The following KCNU1 variants were observed in gnomAD, a reference collection of about 807,000 sequenced individuals.
KCNU1 encodes potassium channel subfamily U member 1.
In KCNU1, 93 loss-of-function variants were observed where a neutral mutation model predicts 126.8. That is an observed-to-expected ratio of 0.73 (90% CI 0.62 to 0.87). The LOEUF (loss-of-function observed/expected upper bound fraction) is 0.87, where lower values mean the gene tolerates loss of function less well. Ranked by LOEUF, KCNU1 falls within the 40% of genes least tolerant of loss-of-function variation. KCNU1 has a pLI of 0.00. For synonymous variants in KCNU1, 523 were observed against 494.2 expected (o/e 1.06, Z -0.77); for missense variants, 1,330 against 1,367.1 (o/e 0.97, Z 0.43).
chr8:36,857,058 T>C (rs1212281375), intron 18 of KCNU1, among the ~76,000 whole-genome samples: 1 of 152,218 alleles, frequency 6.6e-6, no homozygotes, highest in Non-Finnish European at 1.5e-5. Context: ...GAGCCATTGC[T>C]CCCGAGCTTG....
rs1443975471 is a variant in KCNU1, at chr8:36,922,658, A to G, written c.2736+29A>G. ...AGAAAAGCTAAGCCATGGAGCCCCC[A>G]AAACCAAGCCCTCTGCAGAGAAGTG... On this transcript the variant is annotated intron_variant, in intron 24 of 26. Coordinates refer to ENST00000399881, the MANE Select transcript of KCNU1 (RefSeq NM_001031836.3). The G allele has an allele frequency of 2.5e-6, 4 of 1,605,514 alleles. No homozygotes were observed. The African/African-American group carries it at 4.0e-5, about 16-fold the overall frequency.
intron 2 of KCNU1, among the ~76,000 whole-genome samples, chr8:36,795,011 G>A (rs1240505459): frequency 6.6e-6 from 1 of 152,162 alleles, no homozygotes; most frequent in African/African-American, 2.4e-5. Flanking sequence ...GCCTAGTTGG[G>A]CTCTAAATTT....
At position 36,845,850 on chromosome 8, in the gene KCNU1, G is replaced by C; in HGVS notation, c.1842G>C (p.Glu614Asp). ...SVCHDDVFIP[E>D]LITNCGCKSR... ...GTCATGATGATGTGTTCATTCCTGA[G>C]CTAATTACAAACTGTGGCTGCAAAA... Residue 614 changes from glutamate to aspartate, a missense_variant, in exon 18 of 27, where the codon GAG becomes GAC. Transcript: ENST00000399881. 1 of 1,609,618 alleles carries C rather than the reference G, an allele frequency of 6.2e-7. No individual in the cohort carries two copies. Among genetic ancestry groups the C allele is most frequent in the Non-Finnish European group, 8.5e-7 (1 of 1,177,594 alleles).
intron 24 of KCNU1, among the ~76,000 whole-genome samples, chr8:36,930,223 T>C (rs1235116611): frequency 6.6e-6 from 1 of 152,122 alleles, no homozygotes; most frequent in Non-Finnish European, 1.5e-5. Context: ...TGTTAATGCC[T>C]GGTCCACAAT....
chr8:36,866,460 T>G (rs756301480), intron 19 of KCNU1, among the ~76,000 whole-genome samples: 15 of 152,044 alleles, frequency 9.9e-5, no homozygotes, highest in Non-Finnish European at 1.5e-5. Flanking sequence ...TGCCTTCCAA[T>G]CCCAGATTTT....
In KCNU1 at chr8:36,804,086, T is replaced by G. The variant is rs1469898026; in HGVS notation, c.375T>G (p.Ala125=). 1 of 1,549,554 alleles carries G rather than the reference T, an allele frequency of 6.5e-7. No individual in the cohort carries two copies. Among genetic ancestry groups the G allele is most frequent in the Non-Finnish European group, 8.8e-7 (1 of 1,141,356 alleles). The change falls in exon 3 of 27, where the codon GCT becomes GCG. Residue 125 remains alanine, a splice_region_variant and synonymous_variant. Transcript: ENST00000399881. ...TTATAATCTATTTCATCAATTCTGC[T>G]GAGTGAGTACAATGTCCAGTCACAC... ...GSLIIYFINS[A]DPVGSCSSYE...
chr8:36,793,718 A>G (rs916842481), intron 2 of KCNU1, among the ~76,000 whole-genome samples: 1 of 152,146 alleles, frequency 6.6e-6, no homozygotes, highest in East Asian at 1.9e-4. Flanking sequence ...GATTTCTGCT[A>G]GTTGTCCTAG....
At chr8:36,834,359 C>T (rs1804670105) in intron 11 of KCNU1, among the ~76,000 whole-genome samples, 1 of 152,180 alleles carries the variant, frequency 6.6e-6, no homozygotes, top group African/African-American at 2.4e-5. Context: ...ATTCACACTC[C>T]ACCAATATTG....
At chr8:36,849,482 G>A (rs1175147104) in intron 18 of KCNU1, among the ~76,000 whole-genome samples, 1 of 152,104 alleles carries the variant, frequency 6.6e-6, no homozygotes, top group East Asian at 1.9e-4. Flanking sequence ...CCAGCTACTT[G>A]GGAGGCTGAG....
At chr8:36,885,292 C>T (rs906252568) in intron 19 of KCNU1, among the ~76,000 whole-genome samples, 3 of 152,138 alleles carry the variant, frequency 2.0e-5, no homozygotes, top group Non-Finnish European at 4.4e-5. Context: ...CGATGGCTCA[C>T]GCCTATAATC....
chr8:36,820,681 A>G (rs1804090522), intron 10 of KCNU1, among the ~76,000 whole-genome samples: 1 of 152,120 alleles, frequency 6.6e-6, no homozygotes, highest in African/African-American at 2.4e-5. Context: ...GGCCAAGAAC[A>G]ATCTCTCCAG....
chr8:36,917,181 G>A (rs1427434331), intron 22 of KCNU1, among the ~76,000 whole-genome samples: 1 of 152,108 alleles, frequency 6.6e-6, no homozygotes, highest in Non-Finnish European at 1.5e-5. Context: ...AAGCAGCAGG[G>A]AATCTTAATT....
chr8:36,897,181 T>A (rs1807225834), intron 19 of KCNU1, among the ~76,000 whole-genome samples: 1 of 152,020 alleles, frequency 6.6e-6, no homozygotes, highest in Non-Finnish European at 1.5e-5. Flanking sequence ...AAGCTGTGTG[T>A]GTGTGTGTTT....
At chr8:36,876,629 C>T (rs931672154) in intron 19 of KCNU1, among the ~76,000 whole-genome samples, 10 of 152,144 alleles carry the variant, frequency 6.6e-5, no homozygotes, top group East Asian at 1.9e-4. Flanking sequence ...AGATCTGTGG[C>T]GCTGCCTCAA....
intron 10 of KCNU1, among the ~76,000 whole-genome samples, chr8:36,831,579 G>A (rs1455964905): frequency 2.7e-5 from 4 of 149,230 alleles, no homozygotes; most frequent in Non-Finnish European, 4.5e-5. Flanking sequence ...GTCTGTTCAT[G>A]TCCTTTGCCC....
At chr8:36,930,914 C>T (rs1808682178) in intron 24 of KCNU1, 37 bp from the exon 25 acceptor site, 1 of 1,516,338 alleles carries the variant, frequency 6.6e-7, no homozygotes. Flanking sequence ...CATATTGGCT[C>T]TTCTGACTTT....
At chr8:36,897,155 A>G (rs1433052610) in intron 19 of KCNU1, among the ~76,000 whole-genome samples, 1 of 151,974 alleles carries the variant, frequency 6.6e-6, no homozygotes, top group Non-Finnish European at 1.5e-5. Flanking sequence ...TACATAAGAC[A>G]GAATTTTATT....
intron 19 of KCNU1, among the ~76,000 whole-genome samples, chr8:36,889,473 A>C: frequency 6.6e-6 from 1 of 151,416 alleles, no homozygotes; most frequent in Non-Finnish European, 1.5e-5. Flanking sequence ...ACTTTTAAGG[A>C]AAAAAAAACT....
At position 36,807,441 on chromosome 8, in the gene KCNU1, T is replaced by C. The variant is rs369234741; in HGVS notation, c.647T>C (p.Ile216Thr). 2 of 1,611,972 alleles carry C rather than the reference T, an allele frequency of 1.2e-6. No homozygotes were observed. The highest frequency in any genetic ancestry group is 1.7e-6 in the Non-Finnish European group (2 of 1,178,182). ...CAAATCTTGCAAATTCTACGAGCCATCAAGACCAGGTAAATAGCCCTGACC... is the reference window on the plus strand; with the variant it reads ...CAAATCTTGCAAATTCTACGAGCCACCAAGACCAGGTAAATAGCCCTGACC... ...LPQILQILRA[I>T]KTSNSVKFSK... The change falls in exon 6 of 27, where the codon ATC (isoleucine) becomes ACC (threonine). Residue 216 changes from isoleucine (I) to threonine (T), a missense_variant. By Grantham distance (89) the Ile-to-Thr change is moderately conservative. Around this residue, in one of 3 missense-constraint regions of KCNU1, gnomAD observed 247 missense variants for 255.4 expected, o/e 0.97. Coordinates refer to ENST00000399881, the MANE Select transcript of KCNU1 (RefSeq NM_001031836.3).
Sources: allele counts gnomAD v4.1 joint callset (sites outside exome capture counted in the v4.1 genomes callset), GRCh38; gene constraint gnomAD v4.1.1; regional missense constraint gnomAD v4.1.1; transcripts MANE v1.5; gene names NCBI Gene and HGNC (gene_info 2026-07-23, HGNC 2026-07-21).